PRDM16: variants seen among roughly 807,000 people sequenced by gnomAD.
The protein encoded by PRDM16 is histone-lysine N-methyltransferase PRDM16.
A neutral mutation model predicts 110.6 loss-of-function variants in PRDM16; 23 were observed. The ratio of observed to expected loss-of-function variants is 0.21; its 90% CI spans 0.15 to 0.29. The LOEUF (loss-of-function observed/expected upper bound fraction) is 0.29, where lower values mean the gene tolerates loss of function less well. Ranked by LOEUF, PRDM16 falls within the 10% of genes least tolerant of loss-of-function variation. The probability of loss-of-function intolerance (pLI) is 1.00; values close to 1 mark genes in which losing one functional copy is unlikely to be tolerated. For missense variants in PRDM16, 1,615 were observed against 1,794.3 expected, an observed-to-expected ratio of 0.90 and a Z score of 1.81; for synonymous variants, 799 against 781.8, an observed-to-expected ratio of 1.02 and a Z score of -0.37.
intron 1 of PRDM16, among the ~76,000 whole-genome samples, chr1:3,142,994 C>T (rs998914677): frequency 1.3e-5 from 2 of 152,294 alleles, no homozygotes; most frequent in Non-Finnish European, 2.9e-5. Flanking sequence ...TAAGGGAATC[C>T]GATGCATTTG....
rs1263611921 is a variant in PRDM16, at chr1:3,435,692, G to A, written c.*1881G>A. The A allele has an allele frequency of 2.6e-5, 6 of 232,600 alleles. No individual in the cohort carries two copies. The highest frequency in any genetic ancestry group is 5.1e-5 in the Non-Finnish European group (6 of 117,724). The allele number at this position is 232,600 out of a possible 1,614,324, so 14.4% of individuals were successfully genotyped here. ...GACATCTCCTCAGGCTTTGTGTCACGCGTGGACATCTCCTCAGGCTGTCCC... is the reference window on the plus strand; with the variant it reads ...GACATCTCCTCAGGCTTTGTGTCACACGTGGACATCTCCTCAGGCTGTCCC... On this transcript the variant is annotated 3_prime_UTR_variant, in exon 17 of 17. Transcript: ENST00000270722.
chr1:3,431,875 G>T, intron 15 of PRDM16, 91 bp from the exon 16 acceptor site: 1 of 1,354,740 alleles, frequency 7.4e-7, no homozygotes, highest in East Asian at 2.3e-5. Context: ...CGGCGTGCAT[G>T]CAGGCCCGGA....
intron 3 of PRDM16, among the ~76,000 whole-genome samples, chr1:3,295,845 C>T (rs957582720): frequency 2.0e-5 from 3 of 152,122 alleles, no homozygotes; most frequent in African/African-American, 4.8e-5. Flanking sequence ...CCTGCCTCTC[C>T]GGAGGGCTGC....
intron 1 of PRDM16, among the ~76,000 whole-genome samples, chr1:3,089,148 T>C (rs557851145): frequency 6.6e-6 from 1 of 152,294 alleles, no homozygotes; most frequent in Admixed American, 6.5e-5. Context: ...TCCTCAGCGG[T>C]GAGGGTGTTT....
intron 3 of PRDM16, among the ~76,000 whole-genome samples, chr1:3,269,706 G>C (rs1301045920): frequency 6.6e-6 from 1 of 151,478 alleles, no homozygotes. Flanking sequence ...CAGTCAGGAG[G>C]AGCACAGTCC....
intron 3 of PRDM16, among the ~76,000 whole-genome samples, chr1:3,256,883 C>T (rs941953338): frequency 6.6e-5 from 10 of 152,086 alleles, no homozygotes; most frequent in African/African-American, 2.4e-4. Flanking sequence ...TAAATAAAGT[C>T]TTCATTAAAA....
At chr1:3,351,546 G>C (rs1219690032) in intron 3 of PRDM16, among the ~76,000 whole-genome samples, 1 of 170 alleles carries the variant, frequency 5.9e-3, no homozygotes, top group Non-Finnish European at 0.012. Flanking sequence ...CTCCCTCTCT[G>C]TCCCCCTCCC....
At chr1:3,235,635 G>C (rs1639522025) in intron 2 of PRDM16, among the ~76,000 whole-genome samples, 1 of 152,192 alleles carries the variant, frequency 6.6e-6, no homozygotes, top group Admixed American at 6.5e-5. Flanking sequence ...CTCTCACCTT[G>C]CTCCATCAGC....
At chr1:3,231,385 T>C (rs59485077) in intron 2 of PRDM16, among the ~76,000 whole-genome samples, 1 of 92,960 alleles carries the variant, frequency 1.1e-5, no homozygotes, top group African/African-American at 8.6e-5. Context: ...CCCGTCGTCA[T>C]GGACAGCGGT....
At chr1:3,158,077 A>G (rs1382953379) in intron 1 of PRDM16, among the ~76,000 whole-genome samples, 2 of 152,252 alleles carry the variant, frequency 1.3e-5, no homozygotes, top group African/African-American at 2.4e-5. Flanking sequence ...TGCATGCATC[A>G]TATAGATAGA....
intron 3 of PRDM16, among the ~76,000 whole-genome samples, chr1:3,279,621 G>A (rs554725364): frequency 6.6e-6 from 1 of 152,342 alleles, no homozygotes; most frequent in South Asian, 2.1e-4. Context: ...CCCCTCTCCA[G>A]ACTCCTGTGC....
chr1:3,373,204 G>A (rs1268251057), intron 3 of PRDM16, among the ~76,000 whole-genome samples: 1 of 152,112 alleles, frequency 6.6e-6, no homozygotes, highest in African/African-American at 2.4e-5. Flanking sequence ...CGAGCTCCAC[G>A]GGACAGTCTC....
chr1:3,319,409 G>T (rs1375712085), intron 3 of PRDM16, among the ~76,000 whole-genome samples: 1 of 152,216 alleles, frequency 6.6e-6, no homozygotes. Flanking sequence ...ACCATGAGCG[G>T]GTCAGTGTTT....
intron 14 of PRDM16, among the ~76,000 whole-genome samples, chr1:3,427,573 G>C (rs913618367): frequency 6.6e-6 from 1 of 152,154 alleles, no homozygotes; most frequent in African/African-American, 2.4e-5. Flanking sequence ...ATTGCTTCTA[G>C]GAGAGTGGGG....
chr1:3,218,379 C>G (rs1402912610), intron 2 of PRDM16, among the ~76,000 whole-genome samples: 1 of 152,220 alleles, frequency 6.6e-6, no homozygotes, highest in African/African-American at 2.4e-5. Flanking sequence ...TAGGTGCTGG[C>G]CAGCAGCCCC....
chr1:3,135,729 G>A (rs1643424769), intron 1 of PRDM16, among the ~76,000 whole-genome samples: 1 of 152,228 alleles, frequency 6.6e-6, no homozygotes, highest in African/African-American at 2.4e-5. Flanking sequence ...TAATTATAGG[G>A]TCGGGTTACC....
At position 3,192,258 on chromosome 1, in the gene PRDM16, G is replaced by A. The variant is rs78979281; in HGVS notation, c.387+5784G>A. On this transcript the variant is annotated intron_variant, in intron 2 of 16. Coordinates refer to ENST00000270722, the MANE Select transcript of PRDM16 (RefSeq NM_022114.4). Reference sequence around the variant, plus strand: ...CCGTGTCGCCAGCTCATCTGGGCTCGGTAGCTTTTGGAGCTGGCTGTCTTG... The same window carrying A: ...CCGTGTCGCCAGCTCATCTGGGCTCAGTAGCTTTTGGAGCTGGCTGTCTTG... Among the ~76,000 whole-genome samples the A allele has an allele frequency of 3.4e-3, 525 of 152,306 alleles. 5 individuals carry two copies. The highest frequency in any genetic ancestry group is 0.011 in the African/African-American group (477 of 41,564).
chr1:3,071,016 G>A (rs994739838), intron 1 of PRDM16, among the ~76,000 whole-genome samples: 15 of 152,366 alleles, frequency 9.8e-5, no homozygotes, highest in African/African-American at 2.9e-4. Flanking sequence ...GGCCCTCCGC[G>A]CGTGGGGTGT....
intron 4 of PRDM16, among the ~76,000 whole-genome samples, chr1:3,388,452 C>T (rs17399998): frequency 0.17 from 25,285 of 152,186 alleles, 2,371 homozygotes; most frequent in Middle Eastern, 0.28. Flanking sequence ...GAAAATACTT[C>T]GGTCAGAAAA....
Sources: allele counts gnomAD v4.1 joint callset (sites outside exome capture counted in the v4.1 genomes callset), GRCh38; gene constraint gnomAD v4.1.1; transcripts MANE v1.5; gene names NCBI Gene and HGNC (gene_info 2026-07-23, HGNC 2026-07-21).